SDK2: variants seen among roughly 807,000 people sequenced by gnomAD.
SDK2 encodes the protein protein sidekick-2.
Under a neutral mutation model 253.9 loss-of-function variants are expected in SDK2, and 105 were observed. The observed-to-expected ratio is 0.41, with a 90% CI of 0.35 to 0.49. The LOEUF is 0.49. Among genes scored for constraint, SDK2 ranks in the 20% least tolerant of loss-of-function variants. The probability of loss-of-function intolerance (pLI) is 0.06; values close to 1 mark genes in which losing one functional copy is unlikely to be tolerated. For missense variants in SDK2, 2,608 were observed against 3,003.0 expected, an observed-to-expected ratio of 0.87 and a Z score of 3.07; for synonymous variants, 1,249 against 1,234.9, an observed-to-expected ratio of 1.01 and a Z score of -0.24.
At chr17:73,628,784 G>A (rs1473501074) in intron 1 of SDK2, among the ~76,000 whole-genome samples, 2 of 152,238 alleles carry the variant, frequency 1.3e-5, no homozygotes, top group Admixed American at 1.3e-4. Context: ...ACACTTCAGA[G>A]AGGTGCTGGG....
intron 1 of SDK2, among the ~76,000 whole-genome samples, chr17:73,635,207 T>TG (rs1253432130): frequency 6.6e-6 from 1 of 152,100 alleles, no homozygotes; most frequent in African/African-American, 2.4e-5. Flanking sequence ...AGGCTGGTCT[T>TG]GAACGCCTGT....
intron 18 of SDK2, among the ~76,000 whole-genome samples, chr17:73,402,599 A>T (rs2145531367): frequency 6.6e-6 from 1 of 152,160 alleles, no homozygotes; most frequent in South Asian, 2.1e-4. Flanking sequence ...ACACCCATGA[A>T]GCCGGCCCTG....
At chr17:73,625,964 G>C (rs2046194765) in intron 1 of SDK2, among the ~76,000 whole-genome samples, 1 of 152,174 alleles carries the variant, frequency 6.6e-6, no homozygotes, top group Non-Finnish European at 1.5e-5. Flanking sequence ...TTTTGCACCG[G>C]ATCCTGCAAA....
intron 1 of SDK2, among the ~76,000 whole-genome samples, chr17:73,592,864 C>T (rs1396403080): frequency 6.6e-6 from 1 of 152,186 alleles, no homozygotes; most frequent in Non-Finnish European, 1.5e-5. Context: ...GACACATGGC[C>T]TGGCCACATG....
At position 73,379,563 on chromosome 17, in the gene SDK2, TG is replaced by T; in HGVS notation, c.4763-15del. 2.6e-6 allele frequency: 4 copies of T among 1,520,898 alleles called. No individual in the cohort carries two copies. The highest frequency in any genetic ancestry group is 3.6e-6 in the Non-Finnish European group (4 of 1,111,086). The allele number at this position is 1,520,898 out of a possible 1,614,324, so 94.2% of individuals were successfully genotyped here. A position where few individuals can be genotyped will look rare whatever the true frequency, so the allele number is the denominator to read the frequency against. ...GCTTGTTCAGGTCTGTGGGGGAGAG[TG>T]GGGGAGGGGAAGCACACTGAGGTCA... is the stretch of plus-strand genomic sequence containing the variant. On this transcript the variant is annotated splice_polypyrimidine_tract_variant and intron_variant, in intron 34 of 44. Transcript: ENST00000392650. This position sits in a 1 kb window ranked among gnomAD's most constrained non-coding sequence, Gnocchi z 4.5.
chr17:73,423,800 ACAGTT>A (rs2145590184), intron 13 of SDK2, 111 bp downstream of exon 13: 1 of 908,832 alleles, frequency 1.1e-6, no homozygotes, highest in Non-Finnish European at 1.6e-6. Context: ...GCAAAGCTGA[ACAGTT>A]CAGGTCACAC....
intron 1 of SDK2, among the ~76,000 whole-genome samples, chr17:73,600,272 C>T (rs28635207): frequency 0.15 from 22,837 of 152,242 alleles, 2,490 homozygotes; most frequent in African/African-American, 0.31. Flanking sequence ...GGCCAGAGGC[C>T]ACATCTGGAA....
At chr17:73,442,874 CAAT>C (rs933512114) in intron 5 of SDK2, among the ~76,000 whole-genome samples, 4 of 108,282 alleles carry the variant, frequency 3.7e-5, no homozygotes, top group Admixed American at 2.6e-4. Flanking sequence ...GAGGTGGTAG[CAAT>C]TCCTTTTTTT....
intron 1 of SDK2, chr17:73,520,416 C>T (rs1304052518): frequency 6.6e-6 from 1 of 152,302 alleles, no homozygotes; most frequent in Non-Finnish European, 1.5e-5. Context: ...ACCTCCTCCC[C>T]TCCAATCAGC....
intron 1 of SDK2, among the ~76,000 whole-genome samples, chr17:73,613,430 G>A (rs576648879): frequency 6.7e-6 from 1 of 150,146 alleles, no homozygotes; most frequent in East Asian, 2.0e-4. Flanking sequence ...GGAATTAGCC[G>A]TGAAGCCAGC....
intron 1 of SDK2, among the ~76,000 whole-genome samples, chr17:73,588,163 A>T (rs2045628056): frequency 6.6e-6 from 1 of 151,394 alleles, no homozygotes; most frequent in Non-Finnish European, 1.5e-5. Context: ...ACCTGGGGTC[A>T]GGAGTTCGAG....
chr17:73,498,614 A>G (rs1434081802), intron 2 of SDK2, among the ~76,000 whole-genome samples: 1 of 152,214 alleles, frequency 6.6e-6, no homozygotes, highest in Non-Finnish European at 1.5e-5. Flanking sequence ...TTATGATTTC[A>G]GATCTTGGAC....
chr17:73,577,578 C>T (rs1359704775), intron 1 of SDK2, among the ~76,000 whole-genome samples: 1 of 152,144 alleles, frequency 6.6e-6, no homozygotes, highest in Non-Finnish European at 1.5e-5. Context: ...ATCAAGGTGT[C>T]CTTCATTTTT....
intron 1 of SDK2, among the ~76,000 whole-genome samples, chr17:73,619,295 A>C (rs990476574): frequency 9.2e-5 from 14 of 152,136 alleles, no homozygotes; most frequent in Non-Finnish European, 8.8e-5. Flanking sequence ...TTTATAGCAA[A>C]ACTTGAGGGC....
At chr17:73,589,217 C>T (rs747408377) in intron 1 of SDK2, among the ~76,000 whole-genome samples, 35 of 152,390 alleles carry the variant, frequency 2.3e-4, no homozygotes, top group Middle Eastern at 3.4e-3. Flanking sequence ...AAGAAATTCA[C>T]GCTCCAGCTC....
chr17:73,382,379 T>C (rs1330283170), intron 33 of SDK2, among the ~76,000 whole-genome samples: 1 of 152,196 alleles, frequency 6.6e-6, no homozygotes, highest in Non-Finnish European at 1.5e-5. Context: ...GGTGGGTGGA[T>C]AGAGGATATT....
chr17:73,561,373 G>C (rs191743519), intron 1 of SDK2, among the ~76,000 whole-genome samples: 40 of 152,330 alleles, frequency 2.6e-4, no homozygotes, highest in Admixed American at 2.0e-4. Flanking sequence ...AAGGGGCTAG[G>C]GTAGGGAGAG....
Position 73,629,805 on chromosome 17 carries a change from A to C in SDK2, c.64+14220T>G, listed in dbSNP as rs9916671. Reference sequence around the variant, plus strand: ...GATGGTGCTTAGTAAGTGCATGAGAAGCAAAAGAGGTTCATGGTTTTGGTT... The same window carrying C: ...GATGGTGCTTAGTAAGTGCATGAGACGCAAAAGAGGTTCATGGTTTTGGTT... On this transcript the variant is annotated intron_variant, in intron 1 of 44. Transcript: ENST00000392650. This position sits in a 1 kb window ranked among gnomAD's most constrained non-coding sequence, Gnocchi z 5.0. Among the ~76,000 whole-genome samples the C allele has an allele frequency of 0.02, 3,090 of 152,284 alleles. 116 individuals are homozygous for C. Among genetic ancestry groups the C allele is most frequent in the African/African-American group, 0.07 (2,898 of 41,528 alleles).
intron 36 of SDK2, among the ~76,000 whole-genome samples, chr17:73,377,675 C>T (rs554570179): frequency 1.3e-5 from 2 of 149,038 alleles, no homozygotes; most frequent in Admixed American, 1.3e-4. Flanking sequence ...TGCAATGGTG[C>T]AATCTCGGCT....
Sources: gnomAD v4.1 joint callset for allele counts (sites outside exome capture counted in the v4.1 genomes callset) on GRCh38, gnomAD v4.1.1 for gene constraint, Gnocchi (gnomAD v3.1) non-coding constraint, MANE v1.5 for transcripts, NCBI Gene and HGNC (gene_info 2026-07-23, HGNC 2026-07-21) for gene names.